DOCK3: variants seen among roughly 807,000 people sequenced by gnomAD.
DOCK3 encodes the protein dedicator of cytokinesis 3.
In DOCK3, 60 loss-of-function variants were observed where a neutral mutation model predicts 265.6. The ratio of observed to expected loss-of-function variants is 0.23; its 90% CI spans 0.18 to 0.28. The LOEUF (loss-of-function observed/expected upper bound fraction) is 0.28, where lower values mean the gene tolerates loss of function less well. DOCK3 is among the 10% of genes least tolerant of loss of function. The pLI is 1.00. For synonymous variants in DOCK3, 881 were observed against 938.0 expected (o/e 0.94, Z 1.11); for missense variants, 1,981 against 2,594.3 (o/e 0.76, Z 5.14).
chr3:51,339,285 A>G (rs764126072), intron 37 of DOCK3, among the ~76,000 whole-genome samples: 28 of 152,234 alleles, frequency 1.8e-4, no homozygotes, highest in Non-Finnish European at 3.4e-4. Flanking sequence ...CTTCCCTCCT[A>G]TCCACCCCTC....
At chr3:50,804,629 C>T (rs970909581) in intron 2 of DOCK3, among the ~76,000 whole-genome samples, 1 of 152,150 alleles carries the variant, frequency 6.6e-6, no homozygotes, top group African/African-American at 2.4e-5. Context: ...ATCCCAGGCA[C>T]TCGGCAGGCT....
At position 51,275,224 on chromosome 3, in the gene DOCK3, A is replaced by T. The variant is rs775651880; in HGVS notation, c.2676+18A>T. 6.2e-7 allele frequency: 1 copy of T among 1,613,018 alleles called. No individual in the cohort carries two copies. Among genetic ancestry groups the T allele is most frequent in the East Asian group, 2.2e-5 (1 of 44,840 alleles). On this transcript the variant is annotated intron_variant, in intron 25 of 52. Transcript: ENST00000266037. ...GCTCTCTGGTAGTGGCCCCACACCC[A>T]CTCCACCCTGTTCAGCTCTTCCCTA... is the stretch of plus-strand genomic sequence containing the variant.
At chr3:51,078,287 A>T (rs1428969238) in intron 7 of DOCK3, among the ~76,000 whole-genome samples, 2 of 152,228 alleles carry the variant, frequency 1.3e-5, no homozygotes, top group African/African-American at 4.8e-5. Flanking sequence ...AAAATAGAGA[A>T]AAATCTCCCT....
intron 4 of DOCK3, among the ~76,000 whole-genome samples, chr3:50,916,847 A>C (rs1356367719): frequency 4.9e-5 from 5 of 101,382 alleles, no homozygotes; most frequent in Non-Finnish European, 1.0e-4. Flanking sequence ...ACTCCGTTTC[A>C]AAAAAAAAAA....
intron 5 of DOCK3, among the ~76,000 whole-genome samples, chr3:51,035,580 G>C (rs2080234476): frequency 6.6e-6 from 1 of 152,156 alleles, no homozygotes; most frequent in African/African-American, 2.4e-5. Context: ...TCTGTTGACT[G>C]TCTTTTCCTC....
At chr3:50,815,264 T>G (rs1336371391) in intron 2 of DOCK3, among the ~76,000 whole-genome samples, 1 of 152,248 alleles carries the variant, frequency 6.6e-6, no homozygotes, top group African/African-American at 2.4e-5. Flanking sequence ...TATATGTCAT[T>G]ATGATTAATT....
intron 5 of DOCK3, among the ~76,000 whole-genome samples, chr3:50,971,066 G>T (rs2077220481): frequency 6.9e-6 from 1 of 145,572 alleles, no homozygotes. Context: ...CTGGCCTCAA[G>T]TGATCCTCTG....
At chr3:51,164,499 T>C (rs2086287290) in intron 12 of DOCK3, among the ~76,000 whole-genome samples, 1 of 151,946 alleles carries the variant, frequency 6.6e-6, no homozygotes, top group Non-Finnish European at 1.5e-5. Flanking sequence ...GGTGGGCACC[T>C]GTAGTCCCAG....
rs535704463 is a variant in DOCK3, at chr3:50,899,575, T to A, written c.218+9494T>A. Among the ~76,000 whole-genome samples the A allele has an allele frequency of 4.6e-5, 7 of 152,360 alleles. No individual in the cohort carries two copies. The East Asian group carries it at 5.8e-4, about 13-fold the overall frequency. ...TGATGCAGTTTCTTCATAGTGTTGA[T>A]GGTCTTTACAATTTGGTATGTTCTT... On this transcript the variant is annotated intron_variant, in intron 4 of 52. Transcript: ENST00000266037.
intron 12 of DOCK3, among the ~76,000 whole-genome samples, chr3:51,188,624 T>C (rs1220727175): frequency 1.3e-5 from 2 of 152,212 alleles, no homozygotes; most frequent in East Asian, 1.9e-4. Context: ...TTATTTATCT[T>C]TCCATTCACT....
chr3:51,159,499 G>C (rs984844124), intron 11 of DOCK3, among the ~76,000 whole-genome samples, 195 bp downstream of exon 11: 7 of 152,000 alleles, frequency 4.6e-5, no homozygotes, highest in African/African-American at 1.7e-4. Flanking sequence ...GGATTCGGGG[G>C]GGTGGGTTTT....
intron 4 of DOCK3, among the ~76,000 whole-genome samples, chr3:50,892,689 G>A (rs2048698080): frequency 6.6e-6 from 1 of 152,100 alleles, no homozygotes; most frequent in Non-Finnish European, 1.5e-5. Flanking sequence ...CAAAGAAAAG[G>A]AGTGAGAGGC....
At chr3:51,369,341 G>A (rs145786478) in intron 49 of DOCK3, among the ~76,000 whole-genome samples, 1 of 152,214 alleles carries the variant, frequency 6.6e-6, no homozygotes, top group African/African-American at 2.4e-5. Flanking sequence ...GTGTAGAGAA[G>A]TCCTTAAATG....
intron 5 of DOCK3, among the ~76,000 whole-genome samples, chr3:50,997,396 A>G (rs1437736514): frequency 1.3e-5 from 2 of 152,302 alleles, no homozygotes; most frequent in African/African-American, 4.8e-5. Context: ...TATAGTGTAC[A>G]GACAAAAGCT....
At chr3:50,931,126 A>G (rs1333441948) in intron 4 of DOCK3, among the ~76,000 whole-genome samples, 1 of 152,294 alleles carries the variant, frequency 6.6e-6, no homozygotes, top group African/African-American at 2.4e-5. Flanking sequence ...CCTCCCCACT[A>G]CAGACGGCCT....
At chr3:51,016,547 TTATATATATC>T (rs1373491236) in intron 5 of DOCK3, among the ~76,000 whole-genome samples, 1 of 15,830 alleles carries the variant, frequency 6.3e-5, no homozygotes, top group African/African-American at 5.2e-4. Context: ...ATATATATAT[TTATATATATC>T]ATATATTATA....
At chr3:50,967,355 A>T (rs2077064631) in intron 5 of DOCK3, among the ~76,000 whole-genome samples, 3 of 151,610 alleles carry the variant, frequency 2.0e-5, no homozygotes, top group Non-Finnish European at 2.9e-5. Context: ...TTCCTTTTTT[A>T]TGGCTGAATA....
intron 5 of DOCK3, among the ~76,000 whole-genome samples, chr3:51,029,677 G>T (rs2079968042): frequency 6.6e-6 from 1 of 152,152 alleles, no homozygotes; most frequent in Non-Finnish European, 1.5e-5. Flanking sequence ...TGTGTTGAAG[G>T]TTATATCTCC....
intron 4 of DOCK3, among the ~76,000 whole-genome samples, chr3:50,916,995 G>A (rs2050166008): frequency 6.6e-6 from 1 of 152,002 alleles, no homozygotes; most frequent in Non-Finnish European, 1.5e-5. Flanking sequence ...CCTATGGAAT[G>A]TAATAATGTT....
Sources: allele counts gnomAD v4.1 joint callset (sites outside exome capture counted in the v4.1 genomes callset), GRCh38; gene constraint gnomAD v4.1.1; transcripts MANE v1.5; gene names NCBI Gene and HGNC (gene_info 2026-07-23, HGNC 2026-07-21).